Variants in TIAM1 observed in about 807,000 individuals in gnomAD.
The protein encoded by TIAM1 is rho guanine nucleotide exchange factor TIAM1.
Under a neutral mutation model 163.5 loss-of-function variants are expected in TIAM1, and 65 were observed. The ratio of observed to expected loss-of-function variants is 0.40; its 90% CI spans 0.33 to 0.49. The LOEUF is 0.49. TIAM1 is among the 20% of genes least tolerant of loss of function. TIAM1 has a pLI of 0.77. For synonymous variants in TIAM1, 833 were observed against 810.1 expected, an observed-to-expected ratio of 1.03 and a Z score of -0.48; for missense variants, 1,789 against 2,044.7, an observed-to-expected ratio of 0.87 and a Z score of 2.41.
chr21:31,540,788 G>T (rs1432543686), intron 1 of TIAM1, among the ~76,000 whole-genome samples: 1 of 152,126 alleles, frequency 6.6e-6, no homozygotes, highest in African/African-American at 2.4e-5. Context: ...ATAGTGTTTT[G>T]TAAACACTTA....
chr21:31,498,451 C>G (rs1041680563), intron 1 of TIAM1, among the ~76,000 whole-genome samples: 3 of 152,212 alleles, frequency 2.0e-5, no homozygotes, highest in Admixed American at 1.3e-4. Context: ...GCAGCACCCC[C>G]ACTCTCCCTT....
intron 2 of TIAM1, among the ~76,000 whole-genome samples, chr21:31,320,919 G>C (rs2075288743): frequency 6.6e-6 from 1 of 152,076 alleles, no homozygotes; most frequent in Non-Finnish European, 1.5e-5. Context: ...TTGAACCTGG[G>C]AGGTGGAGGC....
Position 31,120,238 on chromosome 21 carries a change from C to A in TIAM1, c.*130G>T. On this transcript the variant is annotated 3_prime_UTR_variant, in exon 28 of 28. Transcript: ENST00000541036. The surrounding 1 kb of genome is among the most constrained non-coding windows in gnomAD (Gnocchi z 4.2). ...TTGGGTGGCTACATGGCTTCAGAAC[C>A]AAGTCAGCTGCCAAAACCGTGTGTG... 2.2e-6 allele frequency: 2 copies of A among 920,034 alleles called. No individual in the cohort carries two copies. Among genetic ancestry groups the A allele is most frequent in the African/African-American group, 1.7e-5 (1 of 59,784 alleles). 57.0% of individuals were successfully genotyped at this position (920,034 alleles called of 1,614,324 possible). A position where few individuals can be genotyped will look rare whatever the true frequency, so the allele number is the denominator to read the frequency against.
intron 2 of TIAM1, among the ~76,000 whole-genome samples, chr21:31,416,487 C>T (rs1885379193): frequency 6.6e-6 from 1 of 152,128 alleles, no homozygotes; most frequent in African/African-American, 2.4e-5. Context: ...AACCTTTCCC[C>T]CTGAGTCCCC....
chr21:31,147,146 C>T lies in TIAM1; in HGVS notation c.3367-143G>A, dbSNP rs1279693854. 31 of 673,396 alleles carry T rather than the reference C, an allele frequency of 4.6e-5. No individual in the cohort carries two copies. In the East Asian group the frequency reaches 8.6e-4, roughly 19 times the overall value. 41.7% of individuals were successfully genotyped at this position (673,396 alleles called of 1,614,324 possible). On this transcript the variant is annotated intron_variant, in intron 19 of 27. Coordinates refer to ENST00000541036, the MANE Select transcript of TIAM1 (RefSeq NM_001353694.2). The stretch of plus-strand genomic sequence containing the variant: ...GCCTGTCAGAGCCTTTCTTTGCTAT[C>T]AAATGCCCTAAAATTGCCCATTACA...
intron 2 of TIAM1, among the ~76,000 whole-genome samples, chr21:31,322,521 C>A (rs1045848659): frequency 6.6e-6 from 1 of 152,204 alleles, no homozygotes; most frequent in African/African-American, 2.4e-5. Context: ...CAACTTGCCC[C>A]CTGGGCACCC....
chr21:31,237,869 G>C (rs547022795), intron 6 of TIAM1, among the ~76,000 whole-genome samples: 2 of 152,292 alleles, frequency 1.3e-5, no homozygotes, highest in Admixed American at 1.3e-4. Flanking sequence ...GGTAATGAAT[G>C]AATGAAGGCC....
At chr21:31,473,517 G>A (rs1412981547) in intron 1 of TIAM1, among the ~76,000 whole-genome samples, 1 of 78,352 alleles carries the variant, frequency 1.3e-5, no homozygotes, top group African/African-American at 5.2e-5. Context: ...TTGATTTAAG[G>A]TTAATTTTGT....
At chr21:31,128,675 G>C (rs977220645) in intron 25 of TIAM1, among the ~76,000 whole-genome samples, 3 of 152,100 alleles carry the variant, frequency 2.0e-5, no homozygotes, top group African/African-American at 7.2e-5. Flanking sequence ...AATCAATTTT[G>C]CAAATCACAT....
chr21:31,385,274 C>A (rs1431307485), intron 2 of TIAM1, among the ~76,000 whole-genome samples: 1 of 152,042 alleles, frequency 6.6e-6, no homozygotes, highest in Admixed American at 6.6e-5. Flanking sequence ...TTTGACCAGG[C>A]AATGCTGTCC....
intron 2 of TIAM1, among the ~76,000 whole-genome samples, chr21:31,315,307 G>T (rs371894585): frequency 2.0e-5 from 3 of 152,038 alleles, no homozygotes; most frequent in African/African-American, 7.2e-5. Flanking sequence ...GAGGTCAGGA[G>T]ATCGAGACCA....
chr21:31,360,714 A>G (rs1055513612), intron 2 of TIAM1, among the ~76,000 whole-genome samples: 2 of 152,240 alleles, frequency 1.3e-5, no homozygotes, highest in Non-Finnish European at 2.9e-5. Flanking sequence ...CAATAAGAAA[A>G]ACATCAACTA....
chr21:31,191,356 A>G (rs1299724381), intron 13 of TIAM1, among the ~76,000 whole-genome samples: 1 of 152,072 alleles, frequency 6.6e-6, no homozygotes, highest in Non-Finnish European at 1.5e-5. Flanking sequence ...GGGTTTCACC[A>G]TGTTGGCCAG....
At chr21:31,140,849 T>A (rs1278436552) in intron 22 of TIAM1, among the ~76,000 whole-genome samples, 1 of 152,130 alleles carries the variant, frequency 6.6e-6, no homozygotes, top group Non-Finnish European at 1.5e-5. Context: ...GAAGTTCACT[T>A]TCACACTTAA....
rs376304464 is a variant in TIAM1, at chr21:31,154,446, A to T, written c.2992-20T>A. Reference sequence around the variant, plus strand: ...TGTACTCTTCGGAGCACAGGGGGGAAGGGAAGGCAGAGGTCATTATCCCTC... The same window carrying T: ...TGTACTCTTCGGAGCACAGGGGGGATGGGAAGGCAGAGGTCATTATCCCTC... On this transcript the variant is annotated intron_variant, in intron 16 of 27. Coordinates refer to ENST00000541036, the MANE Select transcript of TIAM1 (RefSeq NM_001353694.2). 1.2e-6 allele frequency: 2 copies of T among 1,606,764 alleles called. No individual in the cohort carries two copies. The highest frequency in any genetic ancestry group is 2.2e-5 in the East Asian group (1 of 44,734).
intron 4 of TIAM1, among the ~76,000 whole-genome samples, chr21:31,259,454 A>G (rs2072319406): frequency 6.6e-6 from 1 of 151,882 alleles, no homozygotes; most frequent in South Asian, 2.1e-4. Flanking sequence ...GTGATCCTCA[A>G]AAGCTGAACT....
At chr21:31,427,088 T>C (rs1206058590) in intron 2 of TIAM1, among the ~76,000 whole-genome samples, 1 of 152,134 alleles carries the variant, frequency 6.6e-6, no homozygotes, top group Admixed American at 6.6e-5. Flanking sequence ...GCCTGGCTCA[T>C]GTCTTATTTT....
chr21:31,522,581 C>T (rs1474011761), intron 1 of TIAM1, among the ~76,000 whole-genome samples: 1 of 151,796 alleles, frequency 6.6e-6, no homozygotes, highest in African/African-American at 2.4e-5. Flanking sequence ...AACTATTAAA[C>T]ATAATTGTTT....
intron 12 of TIAM1, among the ~76,000 whole-genome samples, chr21:31,196,329 T>C (rs76781107): frequency 3.3e-5 from 5 of 151,376 alleles, no homozygotes; most frequent in African/African-American, 7.3e-5. Flanking sequence ...TTTTTTTTTT[T>C]CACACGGAGT....
Sources: gnomAD v4.1 joint callset for allele counts (sites outside exome capture counted in the v4.1 genomes callset) on GRCh38, gnomAD v4.1.1 for gene constraint, Gnocchi (gnomAD v3.1) non-coding constraint, MANE v1.5 for transcripts, NCBI Gene and HGNC (gene_info 2026-07-23, HGNC 2026-07-21) for gene names.